The following MICAL3 variants were observed in gnomAD, a reference collection of about 807,000 sequenced individuals.
MICAL3 encodes the protein microtubule associated monooxygenase, calponin and LIM domain containing 3.
MICAL3 carries 62 observed loss-of-function variants against 207.4 expected under a neutral mutation model. The ratio of observed to expected loss-of-function variants is 0.30; its 90% CI spans 0.24 to 0.37. The LOEUF is 0.37. Ranked by LOEUF, MICAL3 falls within the 10% of genes least tolerant of loss-of-function variation. The pLI is 1.00. For missense variants in MICAL3, 2,368 were observed against 2,635.6 expected, an observed-to-expected ratio of 0.90 and a Z score of 2.22; for synonymous variants, 1,077 against 1,069.3, an observed-to-expected ratio of 1.01 and a Z score of -0.14.
In MICAL3 at chr22:17,902,841, C is replaced by T. The variant is rs1931434073; in HGVS notation, c.473-94G>A. 1 of 707,724 alleles carries T rather than the reference C, an allele frequency of 1.4e-6. No individual in the cohort carries two copies. The highest frequency in any genetic ancestry group is 2.4e-6 in the Non-Finnish European group (1 of 409,732). 43.8% of individuals were successfully genotyped at this position (707,724 alleles called of 1,614,324 possible). On this transcript the variant is annotated intron_variant, in intron 3 of 31. Coordinates refer to ENST00000441493, the MANE Select transcript of MICAL3 (RefSeq NM_015241.3). This position sits in a 1 kb window ranked among gnomAD's most constrained non-coding sequence, Gnocchi z 4.5. The stretch of plus-strand genomic sequence containing the variant: ...CAGGCTCCCACCCCGCCACCTACGC[C>T]CCCTTCATTCAGATTCCCAAAGCCT...
chr22:17,806,609 T>C (rs1265735743), intron 29 of MICAL3, among the ~76,000 whole-genome samples: 1 of 152,266 alleles, frequency 6.6e-6, no homozygotes, highest in Non-Finnish European at 1.5e-5. Flanking sequence ...CTACAGTTCT[T>C]GTGTGTACTG....
At chr22:17,858,251 G>T (rs1267989794) in intron 19 of MICAL3, among the ~76,000 whole-genome samples, 1 of 152,230 alleles carries the variant, frequency 6.6e-6, no homozygotes, top group Non-Finnish European at 1.5e-5. Context: ...CCAACAGGGT[G>T]CTGAGAATTC....
Position 17,817,976 on chromosome 22 carries a change from G to A in MICAL3, c.4685C>T (p.Ala1562Val). 1 of 1,612,458 alleles carries A rather than the reference G, an allele frequency of 6.2e-7. No individual in the cohort carries two copies. The highest frequency in any genetic ancestry group is 8.5e-7 in the Non-Finnish European group (1 of 1,179,758). The change falls in exon 26 of 32, where the codon GCC becomes GTC. Residue 1562 changes from alanine (A) to valine (V), a missense_variant. Coordinates refer to ENST00000441493, the MANE Select transcript of MICAL3 (RefSeq NM_015241.3). ...AGCAGGCAGCCTCCCGTTCTCCTTG[G>A]CCAGGGGCGGGTGGCGAGGCTTCTC... ...RPEKPRHPPL[A>V]KENGRLPALE...
At position 17,817,804 on chromosome 22, in the gene MICAL3, C is replaced by G; in HGVS notation, c.4857G>C (p.Arg1619Ser). The G allele has an allele frequency of 6.2e-7, 1 of 1,608,872 alleles. No individual in the cohort carries two copies. Among genetic ancestry groups the G allele is most frequent in the Admixed American group, 1.7e-5 (1 of 59,740 alleles). Reference protein sequence around the residue: ...LRDAMARQLSRMQQMELASGA... With the variant: ...LRDAMARQLSSMQQMELASGA... ...CTGAGGCCAGCTCCATCTGCTGCAT[C>G]CTGCTCAGCTGCCTGGCCATGGCGT... The change falls in exon 26 of 32, where the codon AGG becomes AGC. Residue 1619 changes from arginine to serine, a missense_variant. By Grantham distance (110) the Arg-to-Ser change is moderately radical. This residue lies in a region of MICAL3 where 1,770 missense variants were observed against 1,863.2 expected (regional missense o/e 0.95). Coordinates refer to ENST00000441493, the MANE Select transcript of MICAL3 (RefSeq NM_015241.3).
intron 19 of MICAL3, among the ~76,000 whole-genome samples, chr22:17,851,862 G>A (rs929737909): frequency 5.9e-5 from 9 of 152,372 alleles, no homozygotes; most frequent in South Asian, 2.1e-4. Flanking sequence ...GTAGAGAGGA[G>A]TTTGGTTCCG....
chr22:17,956,571 A>C (rs1272784240), intron 1 of MICAL3, among the ~76,000 whole-genome samples: 1 of 152,216 alleles, frequency 6.6e-6, no homozygotes, highest in Non-Finnish European at 1.5e-5. Context: ...TGGGAGGCTG[A>C]GGCAGGAGAA....
At chr22:17,994,499 G>C in intron 1 of MICAL3, among the ~76,000 whole-genome samples, 1 of 152,330 alleles carries the variant, frequency 6.6e-6, no homozygotes, top group Non-Finnish European at 1.5e-5. Flanking sequence ...GATCACCTGA[G>C]CCCAGCAGTT....
At chr22:17,873,924 C>G (rs62240560) in intron 16 of MICAL3, among the ~76,000 whole-genome samples, 1 of 152,228 alleles carries the variant, frequency 6.6e-6, no homozygotes, top group East Asian at 1.9e-4. Context: ...CTCCCTGCCC[C>G]CTGGGGGAAC....
Position 17,818,935 on chromosome 22 carries a change from C to T in MICAL3, c.3726G>A (p.Pro1242=), listed in dbSNP as rs372011453. ...EARTPVSPGS[P]QPQPPVAAST... is the part of the protein sequence containing the mutation. Reference sequence around the variant, plus strand: ...AGGCCGCCACGGGTGGCTGGGGCTGCGGGCTCCCTGGTGAGACAGGAGTCC... The same window carrying T: ...AGGCCGCCACGGGTGGCTGGGGCTGTGGGCTCCCTGGTGAGACAGGAGTCC... The change falls in exon 26 of 32, where the codon CCG becomes CCA. Residue 1242 remains proline, a synonymous_variant. Coordinates refer to ENST00000441493, the MANE Select transcript of MICAL3 (RefSeq NM_015241.3). 7.3e-5 allele frequency: 116 copies of T among 1,584,760 alleles called. No homozygotes were observed. Among genetic ancestry groups the T allele is most frequent in the Non-Finnish European group, 9.1e-5 (106 of 1,165,536 alleles).
chr22:18,011,371 C>T (rs750470052), intron 1 of MICAL3, among the ~76,000 whole-genome samples: 8 of 150,470 alleles, frequency 5.3e-5, no homozygotes, highest in Non-Finnish European at 1.0e-4. Flanking sequence ...GTGGTGAAAC[C>T]CCATCTCTAC....
rs1440095752 is a variant in MICAL3 at position 17,827,557 on chromosome 22, C to T, written c.3193+87G>A. 2.9e-5 allele frequency: 42 copies of T among 1,437,070 alleles called. No individual in the cohort carries two copies. The East Asian group carries it at 1.1e-3, about 36-fold the overall frequency. The allele number at this position is 1,437,070 out of a possible 1,614,324, so 89.0% of individuals were successfully genotyped here. On this transcript the variant is annotated intron_variant, in intron 22 of 31. Transcript: ENST00000441493. ...GTGTGTGACCTCATGGGTGGCTCTGCCCTGACAGAAAGGCCCCCTGTGGCG... is the reference window on the plus strand; with the variant it reads ...GTGTGTGACCTCATGGGTGGCTCTGTCCTGACAGAAAGGCCCCCTGTGGCG...
chr22:18,001,135 G>C (rs867882002), intron 1 of MICAL3: 1 of 152,154 alleles, frequency 6.6e-6, no homozygotes, highest in African/African-American at 2.4e-5. Flanking sequence ...GGAACGCGAG[G>C]CGGGGGCTTC....
chr22:17,827,869 C>T, intron 21 of MICAL3, 88 bp from the exon 22 acceptor site: 1 of 1,379,006 alleles, frequency 7.3e-7, no homozygotes, highest in East Asian at 2.5e-5. Context: ...AGAGAAGTTA[C>T]AGCATTGGCC....
intron 16 of MICAL3, chr22:17,875,521 C>T (rs376922108): frequency 2.1e-5 from 33 of 1,551,378 alleles, no homozygotes; most frequent in Admixed American, 8.2e-5. Flanking sequence ...TCCCACTGGT[C>T]GACAAAAAAT....
chr22:17,809,629 CAAACAAAACA>C (rs139352318), intron 28 of MICAL3, among the ~76,000 whole-genome samples: 11 of 151,630 alleles, frequency 7.3e-5, no homozygotes, highest in South Asian at 2.1e-4. Flanking sequence ...GACTCCGTCT[CAAACAAAACA>C]AAACAAAACA....
At chr22:18,018,685 G>A (rs1924229442) in intron 1 of MICAL3, among the ~76,000 whole-genome samples, 1 of 151,948 alleles carries the variant, frequency 6.6e-6, no homozygotes, top group African/African-American at 2.4e-5. Flanking sequence ...TTGTACCACT[G>A]CACTCCAGCC....
At position 17,842,025 on chromosome 22, in the gene MICAL3, A is replaced by C; in HGVS notation, c.2606-8T>G. ...GGCCGTTCACGCCTGAACCTGCGGG[A>C]CAAGCACAGAAGCACTGCACTGAGG... On this transcript the variant is annotated splice_polypyrimidine_tract_variant and splice_region_variant and intron_variant, in intron 19 of 31. Coordinates refer to ENST00000441493, the MANE Select transcript of MICAL3 (RefSeq NM_015241.3). The C allele has an allele frequency of 5.6e-6, 9 of 1,597,340 alleles. No homozygotes were observed. Among genetic ancestry groups the C allele is most frequent in the Non-Finnish European group, 7.6e-6 (9 of 1,177,788 alleles).
chr22:17,872,754 T>G, intron 16 of MICAL3: 1 of 1,609,994 alleles, frequency 6.2e-7, no homozygotes. Flanking sequence ...TACCAGTTCC[T>G]TCTTGTCTAG....
In MICAL3 at chr22:17,854,010, C is replaced by G. The variant is rs180914802; in HGVS notation, c.2605+10889G>C. Among the ~76,000 whole-genome samples, 224 of 152,284 alleles carry G rather than the reference C, an allele frequency of 1.5e-3. 1 individual carries two copies. Among genetic ancestry groups the G allele is most frequent in the African/African-American group, 5.2e-3 (215 of 41,560 alleles). On this transcript the variant is annotated intron_variant, in intron 19 of 31. Transcript: ENST00000441493. ...TGGGCTGGGAGCTGGCAACACTGTTCAGGATCACTTTTCTGATTCTCACCA... is the reference window on the plus strand; with the variant it reads ...TGGGCTGGGAGCTGGCAACACTGTTGAGGATCACTTTTCTGATTCTCACCA...
Sources: allele counts gnomAD v4.1 joint callset (sites outside exome capture counted in the v4.1 genomes callset), GRCh38; gene constraint gnomAD v4.1.1; regional missense constraint gnomAD v4.1.1; non-coding constraint Gnocchi (gnomAD v3.1); transcripts MANE v1.5; gene names NCBI Gene and HGNC (gene_info 2026-07-23, HGNC 2026-07-21).